FAM171A2: variants seen among roughly 807,000 people sequenced by gnomAD.
FAM171A2 encodes family with sequence similarity 171 member A2.
In FAM171A2, 13 loss-of-function variants were observed where a neutral mutation model predicts 34.2. The observed-to-expected ratio is 0.38, with a 90% CI of 0.25 to 0.60. The LOEUF is 0.60. FAM171A2 is among the 20% of genes least tolerant of loss of function. The pLI is 0.62. For synonymous variants in FAM171A2, 475 were observed against 561.2 expected, an observed-to-expected ratio of 0.85 and a Z score of 2.17; for missense variants, 950 against 1,180.7, an observed-to-expected ratio of 0.80 and a Z score of 2.86.
At chr17:44,357,646 C>CA (rs538365409) in intron 3 of FAM171A2, among the ~76,000 whole-genome samples, 195 of 142,950 alleles carry the variant, frequency 1.4e-3, no homozygotes, top group East Asian at 4.0e-3. Context: ...GAATCCATCT[C>CA]AAAAAAAAAA....
Position 44,359,667 on chromosome 17 carries a change from ATACAC to A in FAM171A2, c.347-1_350del. Reference sequence around the variant, plus strand: ...GGAGCAGGTAGAGGCTGACAGACGCATACACTGCGGGAGGGATGGCCGGTCAGCTC... The same window carrying A: ...GGAGCAGGTAGAGGCTGACAGACGCATGCGGGAGGGATGGCCGGTCAGCTC... On this transcript the variant is annotated splice_acceptor_variant and coding_sequence_variant, in exon 3 of 8. Transcript: ENST00000293443. LOFTEE classifies it high-confidence loss of function. 1 of 1,550,578 alleles carries A rather than the reference ATACAC, an allele frequency of 6.4e-7. No individual in the cohort carries two copies. Among genetic ancestry groups the A allele is most frequent in the Non-Finnish European group, 8.7e-7 (1 of 1,146,854 alleles).
At position 44,354,019 on chromosome 17, in the gene FAM171A2, G is replaced by T; in HGVS notation, c.2195C>A (p.Pro732His). The T allele has an allele frequency of 8.4e-7, 1 of 1,185,530 alleles. No individual in the cohort carries two copies. Among genetic ancestry groups the T allele is most frequent in the Non-Finnish European group, 1.0e-6 (1 of 958,682 alleles). 73.4% of individuals were successfully genotyped at this position (1,185,530 alleles called of 1,614,324 possible). Residue 732 changes from proline to histidine, a missense_variant, in exon 8 of 8, where the codon CCC becomes CAC. Pro to His is a moderately conservative substitution (Grantham distance 77). Coordinates refer to ENST00000293443, the MANE Select transcript of FAM171A2 (RefSeq NM_198475.3). This position sits in a 1 kb window ranked among gnomAD's most constrained non-coding sequence, Gnocchi z 5.8. The stretch of plus-strand genomic sequence containing the variant: ...GCCCGTGCGGCTCTCGCTGCTGCTG[G>T]GCTCCGTGTCCTCGCTGAGCGCCAG... ...PRLALSEDTE[P>H]SSSESRTGLC...
Position 44,354,264 on chromosome 17 carries a change from G to A in FAM171A2, c.1950C>T (p.His650=), listed in dbSNP as rs2048407926. The A allele has an allele frequency of 3.4e-6, 5 of 1,459,522 alleles. No individual in the cohort carries two copies. Among genetic ancestry groups the A allele is most frequent in the Non-Finnish European group, 4.6e-6 (5 of 1,098,360 alleles). The allele number at this position is 1,459,522 out of a possible 1,614,324, so 90.4% of individuals were successfully genotyped here. A position where few individuals can be genotyped will look rare whatever the true frequency, so the allele number is the denominator to read the frequency against. Residue 650 remains histidine, a synonymous_variant, in exon 8 of 8, where the codon CAC becomes CAT. Transcript: ENST00000293443. This position sits in a 1 kb window ranked among gnomAD's most constrained non-coding sequence, Gnocchi z 5.8. ...CGAGGGACACGAACCAGGCGCGCGG[G>A]TGCGGCTTCACGCCCAGTTCCAGCA... ...KKLLELGVKP[H]PRAWFVSLDG...
chr17:44,363,581 C>A lies in FAM171A2; in HGVS notation c.118+16G>T, dbSNP rs2048457237. ...GCGCAGGCCCGCGATCGCGGCCCCT[C>A]CCGGCTGAGACTCACCCTGCGGGCT... On this transcript the variant is annotated intron_variant, in intron 1 of 7. Coordinates refer to ENST00000293443, the MANE Select transcript of FAM171A2 (RefSeq NM_198475.3). The A allele has an allele frequency of 1.7e-6, 2 of 1,209,812 alleles. No homozygotes were observed. The highest frequency in any genetic ancestry group is 2.1e-6 in the Non-Finnish European group (2 of 968,214). 74.9% of individuals were successfully genotyped at this position (1,209,812 alleles called of 1,614,324 possible). A position where few individuals can be genotyped will look rare whatever the true frequency, so the allele number is the denominator to read the frequency against.
At chr17:44,362,742 C>T (rs1350317625) in intron 1 of FAM171A2, among the ~76,000 whole-genome samples, 5 of 152,064 alleles carry the variant, frequency 3.3e-5, no homozygotes, top group African/African-American at 4.8e-5. Flanking sequence ...GGAAGGGTCT[C>T]CTCCACTGCG....
At chr17:44,362,110 AG>A (rs1044862183) in intron 1 of FAM171A2, among the ~76,000 whole-genome samples, 2 of 149,104 alleles carry the variant, frequency 1.3e-5, no homozygotes, top group Non-Finnish European at 3.0e-5. Flanking sequence ...GGGAGAAGGG[AG>A]GGGGCAGGTG....
chr17:44,361,167 T>C (rs1485403433), intron 1 of FAM171A2, among the ~76,000 whole-genome samples: 1 of 152,240 alleles, frequency 6.6e-6, no homozygotes, highest in Non-Finnish European at 1.5e-5. Flanking sequence ...GCAGGCGTCC[T>C]GCCCTCAGAT....
chr17:44,363,686 A>T lies in FAM171A2; in HGVS notation c.29T>A (p.Leu10His). 1 of 1,223,040 alleles carries T rather than the reference A, an allele frequency of 8.2e-7. No individual in the cohort carries two copies. Among genetic ancestry groups the T allele is most frequent in the Non-Finnish European group, 1.0e-6 (1 of 981,974 alleles). The allele number at this position is 1,223,040 out of a possible 1,614,324, so 75.8% of individuals were successfully genotyped here. ...CCCCAGCAGCGGCAACAGCCGCGCGAGGACGCTGGGGCCACTCGCCGGCGG... is the reference window on the plus strand; with the variant it reads ...CCCCAGCAGCGGCAACAGCCGCGCGTGGACGCTGGGGCCACTCGCCGGCGG... MPPASGPSV[L>H]ARLLPLLGLL... Residue 10 changes from leucine (L) to histidine (H), a missense_variant, in exon 1 of 8, where the codon CTC becomes CAC. Leu to His is a moderately conservative substitution (Grantham distance 99). Coordinates refer to ENST00000293443, the MANE Select transcript of FAM171A2 (RefSeq NM_198475.3).
intron 2 of FAM171A2, 55 bp downstream of exon 2, chr17:44,359,850 G>A (rs2048440772): frequency 6.8e-7 from 1 of 1,473,548 alleles, no homozygotes; most frequent in Non-Finnish European, 9.1e-7. Flanking sequence ...ATTTTGGGAA[G>A]GGGCTGATGG....
chr17:44,363,437 C>G (rs926731560), intron 1 of FAM171A2, among the ~76,000 whole-genome samples, 160 bp downstream of exon 1: 2 of 152,162 alleles, frequency 1.3e-5, no homozygotes, highest in Admixed American at 6.5e-5. Flanking sequence ...CTCCACTTTC[C>G]CCCAGAAGCG....
Position 44,356,343 on chromosome 17 carries a change from G to T in FAM171A2, c.608C>A (p.Ser203Tyr). ...AGTCAGGGGCATCAGCTCCAGCCAGGAGCCATTGCCTGAGGGAAGAGGGTA... is the reference window on the plus strand; with the variant it reads ...AGTCAGGGGCATCAGCTCCAGCCAGTAGCCATTGCCTGAGGGAAGAGGGTA... ...GTEASSSGNG[S>Y]WLELMPLTAV... Residue 203 changes from serine to tyrosine, a missense_variant, in exon 5 of 8, where the codon TCC (serine) becomes TAC (tyrosine). Physicochemically the swap from Ser to Tyr is moderately radical, Grantham distance 144. Around this residue, in one of 3 missense-constraint regions of FAM171A2, gnomAD observed 752 missense variants for 924.5 expected, o/e 0.81. Transcript: ENST00000293443. The T allele has an allele frequency of 6.5e-7, 1 of 1,545,006 alleles. No homozygotes were observed. Among genetic ancestry groups the T allele is most frequent in the Non-Finnish European group, 8.8e-7 (1 of 1,141,928 alleles).
Position 44,353,857 on chromosome 17 carries a change from C to T in FAM171A2, c.2357G>A (p.Arg786Gln), listed in dbSNP as rs1410670407. 7.2e-7 allele frequency: 1 copy of T among 1,385,986 alleles called. No homozygotes were observed. The highest frequency in any genetic ancestry group is 1.5e-5 in the South Asian group (1 of 67,332). 85.9% of individuals were successfully genotyped at this position (1,385,986 alleles called of 1,614,324 possible). A position where few individuals can be genotyped will look rare whatever the true frequency, so the allele number is the denominator to read the frequency against. Residue 786 changes from arginine (R) to glutamine (Q), a missense_variant, in exon 8 of 8, where the codon CGG becomes CAG. By Grantham distance (43) the Arg-to-Gln change is conservative. This residue lies in a region of FAM171A2 where 191 missense variants were observed against 222.8 expected (regional missense o/e 0.86). Transcript: ENST00000293443. ...CTCCGGGCTGGTGAGCGAGTCGCGC[C>T]GCAGCTCGCTGGCGCTGCTGCGGGA... is the stretch of plus-strand genomic sequence containing the variant. The part of the protein sequence containing the change: ...DSSRSSASEL[R>Q]RDSLTSPEDE...
In FAM171A2 at chr17:44,356,472, G is replaced by A. The variant is rs1246232902; in HGVS notation, c.556C>T (p.Arg186Trp). The A allele has an allele frequency of 4.5e-6, 7 of 1,550,822 alleles. No individual in the cohort carries two copies. The highest frequency in any genetic ancestry group is 4.4e-6 in the Non-Finnish European group (5 of 1,146,968). Residue 186 changes from arginine (R) to tryptophan (W), a missense_variant, in exon 4 of 8, where the codon CGG becomes TGG. Coordinates refer to ENST00000293443, the MANE Select transcript of FAM171A2 (RefSeq NM_198475.3). ...LTPASTQQEMRAFPAFLGTEA... is the reference protein window; with the variant it reads ...LTPASTQQEMWAFPAFLGTEA... Reference sequence around the variant, plus strand: ...GTGCCCAGGAAGGCAGGGAAAGCCCGCATTTCCTGCTGGGTGCTGGCAGGC... The same window carrying A: ...GTGCCCAGGAAGGCAGGGAAAGCCCACATTTCCTGCTGGGTGCTGGCAGGC...
intron 1 of FAM171A2, among the ~76,000 whole-genome samples, chr17:44,361,216 T>C (rs2048446624): frequency 1.3e-5 from 2 of 152,368 alleles, no homozygotes; most frequent in South Asian, 4.1e-4. Context: ...GTTGTTCCCA[T>C]GGATTCTCCA....
chr17:44,356,081 G>A lies in FAM171A2; in HGVS notation c.779-7C>T, dbSNP rs756948801. On this transcript the variant is annotated splice_polypyrimidine_tract_variant and splice_region_variant and intron_variant, in intron 5 of 7. Coordinates refer to ENST00000293443, the MANE Select transcript of FAM171A2 (RefSeq NM_198475.3). ...CCATTGCGCACCCACAGCCCTGGGAGAGGCAGGGGTTTTGTCACACTTGAG... is the reference window on the plus strand; with the variant it reads ...CCATTGCGCACCCACAGCCCTGGGAAAGGCAGGGGTTTTGTCACACTTGAG... 2 of 1,532,260 alleles carry A rather than the reference G, an allele frequency of 1.3e-6. No homozygotes were observed. Among genetic ancestry groups the A allele is most frequent in the African/African-American group, 1.4e-5 (1 of 72,542 alleles). The allele number at this position is 1,532,260 out of a possible 1,614,324, so 94.9% of individuals were successfully genotyped here.
rs549411165 is a variant in FAM171A2 at position 44,357,174 on chromosome 17, C to T, written c.440-586G>A. The stretch of plus-strand genomic sequence containing the variant: ...ACCAGCCTGACCAACATGGAGAAAC[C>T]CTGACTCTCTTAAAAATACAAAATT... On this transcript the variant is annotated intron_variant, in intron 3 of 7. Coordinates refer to ENST00000293443, the MANE Select transcript of FAM171A2 (RefSeq NM_198475.3). Among the ~76,000 whole-genome samples, 22 of 151,736 alleles carry T rather than the reference C, an allele frequency of 1.4e-4. No homozygotes were observed. The East Asian group carries it at 4.1e-3, about 28-fold the overall frequency.
rs1290265955 is a variant in FAM171A2 at position 44,359,665 on chromosome 17, G to A, written c.353C>T (p.Ala118Val). 2.1e-5 allele frequency: 33 copies of A among 1,550,346 alleles called. No homozygotes were observed. The East Asian group carries it at 4.6e-4, about 22-fold the overall frequency. The part of the protein sequence containing the change: ...PWRVDKLPLY[A>V]SVSLYLLPER... Reference sequence around the variant, plus strand: ...AGGGAGCAGGTAGAGGCTGACAGACGCATACACTGCGGGAGGGATGGCCGG... The same window carrying A: ...AGGGAGCAGGTAGAGGCTGACAGACACATACACTGCGGGAGGGATGGCCGG... The change falls in exon 3 of 8, where the codon GCG becomes GTG. Residue 118 changes from alanine to valine, a missense_variant. Physicochemically the swap from Ala to Val is moderately conservative, Grantham distance 64. Around this residue, in one of 3 missense-constraint regions of FAM171A2, gnomAD observed 752 missense variants for 924.5 expected, o/e 0.81. Transcript: ENST00000293443.
rs577307877 is a variant in FAM171A2 at position 44,355,332 on chromosome 17, G to A, written c.1023-141C>T. The stretch of plus-strand genomic sequence containing the variant: ...CCTGGGGCGCTCAGGAGAGATGGCG[G>A]GGAGCCGCCGTGTCCGTTTGGCGAT... On this transcript the variant is annotated intron_variant, in intron 7 of 7. Transcript: ENST00000293443. This position sits in a 1 kb window ranked among gnomAD's most constrained non-coding sequence, Gnocchi z 4.1. 32 of 1,398,012 alleles carry A rather than the reference G, an allele frequency of 2.3e-5. No homozygotes were observed. The highest frequency in any genetic ancestry group is 2.9e-5 in the Non-Finnish European group (31 of 1,060,632). The allele number at this position is 1,398,012 out of a possible 1,614,324, so 86.6% of individuals were successfully genotyped here.
rs539975081 is a variant in FAM171A2, at chr17:44,354,963, G to A, written c.1251C>T (p.Arg417=). 1.4e-6 allele frequency: 2 copies of A among 1,468,364 alleles called. No homozygotes were observed. The highest frequency in any genetic ancestry group is 2.7e-5 in the Admixed American group (1 of 36,804). 91.0% of individuals were successfully genotyped at this position (1,468,364 alleles called of 1,614,324 possible). ...GGCGGCTGGCAGAGCGCGGCTTGGT[G>A]CGGAAGAAGTCATCCCGGGAGGAGG... is the stretch of plus-strand genomic sequence containing the variant. The part of the protein sequence containing the change: ...DLASSRDDFF[R]TKPRSASRPA... The change falls in exon 8 of 8, where the codon CGC becomes CGT. Residue 417 remains arginine, a synonymous_variant. Transcript: ENST00000293443. The surrounding 1 kb of genome is among the most constrained non-coding windows in gnomAD (Gnocchi z 5.8).
Sources: gnomAD v4.1 joint callset for allele counts (sites outside exome capture counted in the v4.1 genomes callset) on GRCh38, gnomAD v4.1.1 for gene constraint, gnomAD v4.1.1 regional missense constraint, Gnocchi (gnomAD v3.1) non-coding constraint, MANE v1.5 for transcripts, NCBI Gene and HGNC (gene_info 2026-07-23, HGNC 2026-07-21) for gene names.